The following TBC1D22A variants were observed in gnomAD, a reference collection of about 807,000 sequenced individuals.
TBC1D22A encodes TBC1 domain family member 22A.
Under a neutral mutation model 60.2 loss-of-function variants are expected in TBC1D22A, and 38 were observed. The observed-to-expected ratio is 0.63, with a 90% CI of 0.49 to 0.83. TBC1D22A has a LOEUF of 0.83. Among genes scored for constraint, TBC1D22A ranks in the 40% least tolerant of loss-of-function variants. TBC1D22A has a pLI of 0.00. For synonymous variants in TBC1D22A, 302 were observed against 281.7 expected, an observed-to-expected ratio of 1.07 and a Z score of -0.72; for missense variants, 628 against 701.0, an observed-to-expected ratio of 0.90 and a Z score of 1.18.
chr22:46,935,437 C>T (rs532717192), intron 8 of TBC1D22A, among the ~76,000 whole-genome samples: 1 of 152,262 alleles, frequency 6.6e-6, no homozygotes, highest in South Asian at 2.1e-4. Flanking sequence ...CAGATGCACC[C>T]CCACTCCCCC....
intron 12 of TBC1D22A, among the ~76,000 whole-genome samples, chr22:47,149,563 C>T (rs1000338685): frequency 1.3e-5 from 2 of 152,242 alleles, no homozygotes; most frequent in African/African-American, 4.8e-5. Context: ...CCCAGGTGGG[C>T]AGCTTTGTGA....
intron 1 of TBC1D22A, among the ~76,000 whole-genome samples, chr22:46,768,464 AAC>A (rs1467744287): frequency 2.9e-5 from 4 of 138,862 alleles, no homozygotes; most frequent in Non-Finnish European, 6.1e-5. Flanking sequence ...CAGCCTGGGC[AAC>A]AGAGCGAGAC....
At chr22:47,084,064 G>GTTGA (rs2064581310) in intron 11 of TBC1D22A, among the ~76,000 whole-genome samples, 1 of 152,272 alleles carries the variant, frequency 6.6e-6, no homozygotes, top group Non-Finnish European at 1.5e-5. Flanking sequence ...CTTCACCGGG[G>GTTGA]AGAGTTGATG....
chr22:46,869,052 C>T (rs2067187937), intron 4 of TBC1D22A, among the ~76,000 whole-genome samples: 1 of 152,198 alleles, frequency 6.6e-6, no homozygotes, highest in African/African-American at 2.4e-5. Flanking sequence ...CTGCGCCGCT[C>T]CGCTGCCTCC....
In TBC1D22A at chr22:46,789,689, C is replaced by G. The variant is rs142653618; in HGVS notation, c.63-2831C>G. Reference sequence around the variant, plus strand: ...ACTGAGTGGGAAACTGAAAAATGACCCAATGTAATATTTTAACGTTAAAGA... The same window carrying G: ...ACTGAGTGGGAAACTGAAAAATGACGCAATGTAATATTTTAACGTTAAAGA... On this transcript the variant is annotated intron_variant, in intron 1 of 12. Transcript: ENST00000337137. 4.7e-3 allele frequency among the ~76,000 whole-genome samples: 717 copies of G among 152,132 alleles called. 4 individuals are homozygous for G. The highest frequency in any genetic ancestry group is 0.016 in the African/African-American group (670 of 41,496).
chr22:46,885,453 G>A (rs566897912), intron 5 of TBC1D22A, among the ~76,000 whole-genome samples: 2 of 152,198 alleles, frequency 1.3e-5, no homozygotes, highest in Non-Finnish European at 2.9e-5. Context: ...TGTGAAGCAC[G>A]GAGCGTGGTG....
In TBC1D22A at chr22:47,173,543, G is replaced by A. The variant is rs2068575016; in HGVS notation, c.1471G>A (p.Asp491Asn). ...GAACCTGCCCACAGCCCACTGGGAT[G>A]ATGAGGACATCAGCCTGTTGCTGGC... ...LQNLPTAHWD[D>N]EDISLLLAEA... Residue 491 changes from aspartate (D) to asparagine (N), a missense_variant, in exon 13 of 13, where the codon GAT (aspartate) becomes AAT (asparagine). By Grantham distance (23) the Asp-to-Asn change is conservative. Transcript: ENST00000337137. 6.2e-7 allele frequency: 1 copy of A among 1,614,158 alleles called. No homozygotes were observed. Among genetic ancestry groups the A allele is most frequent in the South Asian group, 1.1e-5 (1 of 91,082 alleles).
intron 12 of TBC1D22A, among the ~76,000 whole-genome samples, chr22:47,160,304 G>A (rs1182990770): frequency 1.3e-5 from 2 of 152,332 alleles, no homozygotes; most frequent in Admixed American, 1.3e-4. Flanking sequence ...GAGTTCTCAG[G>A]TTCCGTGTGA....
chr22:46,956,782 G>C (rs2073218016), intron 8 of TBC1D22A, among the ~76,000 whole-genome samples: 1 of 152,232 alleles, frequency 6.6e-6, no homozygotes, highest in South Asian at 2.1e-4. Context: ...GAGACACTAG[G>C]GGCTTTAGGT....
rs149499645 is a variant in TBC1D22A at position 46,797,556 on chromosome 22, C to G, written c.573C>G (p.Ser191Arg). Residue 191 changes from serine (S) to arginine (R), a missense_variant, in exon 4 of 13, where the codon AGC becomes AGG. Physicochemically the swap from Ser to Arg is moderately radical, Grantham distance 110. Coordinates refer to ENST00000337137, the MANE Select transcript of TBC1D22A (RefSeq NM_014346.5). ...GCACTCTCAGCAGCTCAGCGCTGAGCGAAAGAGAGGCCTCCCGGCTCGACA... is the reference window on the plus strand; with the variant it reads ...GCACTCTCAGCAGCTCAGCGCTGAGGGAAAGAGAGGCCTCCCGGCTCGACA... ...DPSTLSSSAL[S>R]EREASRLDKF... 2 of 1,613,778 alleles carry G rather than the reference C, an allele frequency of 1.2e-6. No individual in the cohort carries two copies. The highest frequency in any genetic ancestry group is 1.7e-5 in the Admixed American group (1 of 59,964).
chr22:46,789,497 A>T, intron 1 of TBC1D22A: 1 of 285,402 alleles, frequency 3.5e-6, no homozygotes, highest in Non-Finnish European at 7.9e-6. Context: ...GGGCCGGAAT[A>T]GTTTGGATGT....
intron 1 of TBC1D22A, among the ~76,000 whole-genome samples, chr22:46,769,413 C>T (rs1162182463): frequency 1.3e-5 from 2 of 152,248 alleles, no homozygotes; most frequent in African/African-American, 2.4e-5. Flanking sequence ...TGTGGCTCTT[C>T]ACGGCTGGAC....
At chr22:47,057,918 C>T (rs2063449527) in intron 11 of TBC1D22A, among the ~76,000 whole-genome samples, 1 of 152,198 alleles carries the variant, frequency 6.6e-6, no homozygotes, top group South Asian at 2.1e-4. Context: ...GTAAAGGGAC[C>T]TGCTGGGCAG....
intron 7 of TBC1D22A, among the ~76,000 whole-genome samples, chr22:46,904,808 T>G (rs2069336889): frequency 7.0e-6 from 1 of 143,274 alleles, no homozygotes; most frequent in South Asian, 2.2e-4. Context: ...AGAGTCTTAG[T>G]CTGTCACCCA....
intron 8 of TBC1D22A, among the ~76,000 whole-genome samples, chr22:46,956,426 G>A (rs2073194926): frequency 6.6e-6 from 1 of 152,142 alleles, no homozygotes; most frequent in South Asian, 2.1e-4. Flanking sequence ...TCCACTAATG[G>A]ATGATTTAAT....
intron 11 of TBC1D22A, among the ~76,000 whole-genome samples, chr22:47,039,566 A>T (rs2062768215): frequency 6.6e-6 from 1 of 152,084 alleles, no homozygotes; most frequent in Non-Finnish European, 1.5e-5. Flanking sequence ...TAGTATATAA[A>T]AATGAATGAG....
chr22:46,947,576 G>A (rs557245186), intron 8 of TBC1D22A, among the ~76,000 whole-genome samples: 4 of 152,294 alleles, frequency 2.6e-5, no homozygotes, highest in African/African-American at 7.2e-5. Context: ...TCAAGGCCTC[G>A]TGGAAGCCAT....
chr22:47,037,313 T>C (rs149632900), intron 11 of TBC1D22A, 115 bp downstream of exon 11: 1 of 1,403,820 alleles, frequency 7.1e-7, no homozygotes, highest in Non-Finnish European at 9.7e-7. Flanking sequence ...AAGCGCTCTC[T>C]CCATTGAAAT....
intron 8 of TBC1D22A, chr22:46,915,763 T>G (rs112938623): frequency 2.3e-4 from 105 of 456,672 alleles, no homozygotes; most frequent in African/African-American, 1.9e-3. Flanking sequence ...GTCCAGAGCC[T>G]GTAAAGATCC....
Sources: gnomAD v4.1 joint callset for allele counts (sites outside exome capture counted in the v4.1 genomes callset) on GRCh38, gnomAD v4.1.1 for gene constraint, MANE v1.5 for transcripts, NCBI Gene and HGNC (gene_info 2026-07-23, HGNC 2026-07-21) for gene names.